Variants in BACH2 observed in about 807,000 individuals in gnomAD.
The protein encoded by BACH2 is transcription regulator protein BACH2.
In BACH2, 5 loss-of-function variants were observed where a neutral mutation model predicts 61.8. That is an observed-to-expected ratio of 0.08 (90% CI 0.04 to 0.17). BACH2 has a LOEUF of 0.17. Ranked by LOEUF, BACH2 falls within the 10% of genes least tolerant of loss-of-function variation. BACH2 has a pLI of 1.00. For missense variants in BACH2, 824 were observed against 1,091.1 expected (o/e 0.76, Z 3.45); for synonymous variants, 446 against 440.1 (o/e 1.01, Z -0.17).
At chr6:89,954,022 A>C (rs1335988688) in intron 6 of BACH2, among the ~76,000 whole-genome samples, 1 of 151,156 alleles carries the variant, frequency 6.6e-6, no homozygotes, top group Non-Finnish European at 1.5e-5. Context: ...GAAAGTAAAA[A>C]AGCAAGGAAA....
chr6:90,088,410 A>G (rs1262715654), intron 5 of BACH2, among the ~76,000 whole-genome samples: 1 of 152,164 alleles, frequency 6.6e-6, no homozygotes, highest in African/African-American at 2.4e-5. Flanking sequence ...TCTGGGGTAA[A>G]GCTGGCACAG....
intron 2 of BACH2, among the ~76,000 whole-genome samples, chr6:90,254,826 C>T (rs1331236800): frequency 6.6e-6 from 1 of 152,118 alleles, no homozygotes. Context: ...ATTTTATGTA[C>T]ATCTTAAAAG....
chr6:90,117,224 TTATGAG>T (rs910197756), intron 4 of BACH2: 11 of 160,250 alleles, frequency 6.9e-5, no homozygotes, highest in African/African-American at 2.6e-4. Flanking sequence ...CCAAGGCTGT[TTATGAG>T]TAGGACGCTG....
At position 90,262,461 on chromosome 6, in the gene BACH2, C is replaced by T. The variant is rs78053807; in HGVS notation, c.-353+9388G>A. ...TTAGTACCCATTCATGGGTACCATG[C>T]GTGCACATGATTCCAGGACAGCAAT... On this transcript the variant is annotated intron_variant, in intron 2 of 8. Coordinates refer to ENST00000257749, the MANE Select transcript of BACH2 (RefSeq NM_021813.4). Among the ~76,000 whole-genome samples, 1,184 of 152,252 alleles carry T rather than the reference C, an allele frequency of 7.8e-3. 14 individuals carry two copies. Among genetic ancestry groups the T allele is most frequent in the African/African-American group, 0.026 (1,090 of 41,540 alleles).
Position 90,144,184 on chromosome 6 carries a change from A to G in BACH2, c.-161-55075T>C, listed in dbSNP as rs562988049. ...AGATATTTTTTCCTTTATTTAAAAA[A>G]CTGATTCCAATGGCTTGCCTTTTGG... is the stretch of plus-strand genomic sequence containing the variant. On this transcript the variant is annotated intron_variant, in intron 4 of 8. Transcript: ENST00000257749. 5.9e-5 allele frequency among the ~76,000 whole-genome samples: 9 copies of G among 152,342 alleles called. No homozygotes were observed. In the East Asian group the frequency reaches 1.7e-3, roughly 29 times the overall value.
At chr6:89,953,367 G>A (rs929483062) in intron 6 of BACH2, among the ~76,000 whole-genome samples, 2 of 152,108 alleles carry the variant, frequency 1.3e-5, no homozygotes, top group African/African-American at 4.8e-5. Flanking sequence ...AAATTTCTTA[G>A]ACATGTAACT....
chr6:90,114,153 C>T (rs956020372), intron 4 of BACH2, among the ~76,000 whole-genome samples: 3 of 152,102 alleles, frequency 2.0e-5, no homozygotes, highest in Non-Finnish European at 4.4e-5. Flanking sequence ...GAAATGTCTC[C>T]CCAACTCACT....
intron 1 of BACH2, among the ~76,000 whole-genome samples, chr6:90,296,277 C>T (rs1157008230): frequency 6.6e-6 from 1 of 151,802 alleles, no homozygotes; most frequent in Non-Finnish European, 1.5e-5. Flanking sequence ...GCCGGCTCGG[C>T]TCCCACCCCC....
chr6:90,188,287 T>C (rs1015617961), intron 4 of BACH2, among the ~76,000 whole-genome samples: 13 of 152,240 alleles, frequency 8.5e-5, no homozygotes, highest in Admixed American at 4.6e-4. Flanking sequence ...TGAATTTGTA[T>C]AGAATGTCAG....
At chr6:90,230,069 T>C (rs1770045379) in intron 3 of BACH2, among the ~76,000 whole-genome samples, 1 of 152,202 alleles carries the variant, frequency 6.6e-6, no homozygotes, top group African/African-American at 2.4e-5. Context: ...AAGATCCTTA[T>C]ATTTCTAAAG....
chr6:89,959,550 A>G (rs898827094), intron 6 of BACH2, among the ~76,000 whole-genome samples: 1 of 152,154 alleles, frequency 6.6e-6, no homozygotes, highest in Non-Finnish European at 1.5e-5. Flanking sequence ...ACACCTAAAA[A>G]AATTATTCAG....
At chr6:90,042,089 T>G (rs190613316) in intron 5 of BACH2, among the ~76,000 whole-genome samples, 3 of 152,178 alleles carry the variant, frequency 2.0e-5, no homozygotes, top group African/African-American at 4.8e-5. Context: ...TACCTAAACA[T>G]TGCATATAAA....
intron 2 of BACH2, among the ~76,000 whole-genome samples, chr6:90,262,636 C>G (rs763123086): frequency 2.8e-4 from 43 of 152,276 alleles, no homozygotes; most frequent in South Asian, 1.2e-3. Flanking sequence ...CACAGAGTAG[C>G]CAAAAACCAT....
chr6:90,192,773 A>G (rs886970381), intron 4 of BACH2, among the ~76,000 whole-genome samples: 1 of 152,258 alleles, frequency 6.6e-6, no homozygotes. Context: ...AGAATATATT[A>G]GATTCTTAAG....
chr6:90,041,102 A>T (rs950921594), intron 5 of BACH2, among the ~76,000 whole-genome samples: 1 of 152,270 alleles, frequency 6.6e-6, no homozygotes, highest in East Asian at 1.9e-4. Context: ...CGTTCAGAAC[A>T]ATGTTAAAGA....
At chr6:90,291,592 T>A (rs75845368) in intron 1 of BACH2, among the ~76,000 whole-genome samples, 2,238 of 148,794 alleles carry the variant, frequency 0.015, 66 homozygotes, top group African/African-American at 0.05. Flanking sequence ...CTTTTTTTTT[T>A]AAATTAAATG....
chr6:90,263,199 C>G (rs974812640), intron 2 of BACH2, among the ~76,000 whole-genome samples: 1 of 152,150 alleles, frequency 6.6e-6, no homozygotes, highest in Non-Finnish European at 1.5e-5. Context: ...TAGGTAAGCA[C>G]AAGAGTTTAC....
At chr6:90,286,184 C>T (rs1043228647) in intron 1 of BACH2, among the ~76,000 whole-genome samples, 4 of 152,170 alleles carry the variant, frequency 2.6e-5, no homozygotes, top group Non-Finnish European at 5.9e-5. Context: ...GTTACCATAT[C>T]GACCACAAGA....
Position 90,024,322 on chromosome 6 carries a change from G to A in BACH2, c.-12-15466C>T, listed in dbSNP as rs1339682969. 2.6e-5 allele frequency among the ~76,000 whole-genome samples: 4 copies of A among 152,058 alleles called. No homozygotes were observed. In the East Asian group the frequency reaches 7.7e-4, roughly 29 times the overall value. ...AAATCCTACAACTTATGGTCAGGAA[G>A]GTCCTTAAAGGCAATCAAATCTAAC... On this transcript the variant is annotated intron_variant, in intron 5 of 8. Transcript: ENST00000257749.
Sources: allele counts gnomAD v4.1 joint callset (sites outside exome capture counted in the v4.1 genomes callset), GRCh38; gene constraint gnomAD v4.1.1; transcripts MANE v1.5; gene names NCBI Gene and HGNC (gene_info 2026-07-23, HGNC 2026-07-21).